Variants in CUX2 observed in about 807,000 individuals in gnomAD.
CUX2 encodes the protein homeobox protein cut-like 2.
Under a neutral mutation model 144.8 loss-of-function variants are expected in CUX2, and 40 were observed. The ratio of observed to expected loss-of-function variants is 0.28; its 90% CI spans 0.21 to 0.36. The LOEUF (loss-of-function observed/expected upper bound fraction) is 0.36. CUX2 is among the 10% of genes least tolerant of loss of function. The probability of loss-of-function intolerance (pLI) is 1.00; values close to 1 mark genes in which losing one functional copy is unlikely to be tolerated. For missense variants in CUX2, 1,615 were observed against 1,994.0 expected (o/e 0.81, Z 3.62); for synonymous variants, 827 against 875.6 (o/e 0.94, Z 0.98).
In CUX2 at chr12:111,287,030, AAGAC is replaced by A. The variant is rs2136323764; in HGVS notation, c.302-4384_302-4381del. The stretch of plus-strand genomic sequence containing the variant: ...CACTGTACCTGCAAAGGAAGGCAAA[AAGAC>A]AGAGCTTTGAAATCTATGGACCTGA... On this transcript the variant is annotated intron_variant, in intron 4 of 21. Coordinates refer to ENST00000261726, the MANE Select transcript of CUX2 (RefSeq NM_015267.4). This position sits in a 1 kb window ranked among gnomAD's most constrained non-coding sequence, Gnocchi z 4.2. Among the ~76,000 whole-genome samples, 1 of 152,308 alleles carries A rather than the reference AAGAC, an allele frequency of 6.6e-6. No homozygotes were observed. Among genetic ancestry groups the A allele is most frequent in the South Asian group, 2.1e-4 (1 of 4,818 alleles).
intron 1 of CUX2, among the ~76,000 whole-genome samples, chr12:111,193,906 A>C (rs1484739987): frequency 3.3e-5 from 5 of 151,902 alleles, no homozygotes; most frequent in African/African-American, 4.9e-5. Context: ...CTGTCCCAGG[A>C]TGGAGCAGAC....
Position 111,311,594 on chromosome 12 carries a change from A to T in CUX2, c.1901-506A>T, listed in dbSNP as rs1025834125. ...ATAAGCCACTGTACCCTATTTCTTT[A>T]TTATTATTATTTTTTTTTTTTTGAG... On this transcript the variant is annotated intron_variant, in intron 15 of 21. Coordinates refer to ENST00000261726, the MANE Select transcript of CUX2 (RefSeq NM_015267.4). 2.6e-3 allele frequency among the ~76,000 whole-genome samples: 342 copies of T among 133,680 alleles called. 16 individuals are homozygous for T. In the East Asian group the frequency reaches 0.056, roughly 22 times the overall value. 87.7% of individuals were successfully genotyped at this position (133,680 alleles called of 152,430 possible).
intron 1 of CUX2, among the ~76,000 whole-genome samples, chr12:111,182,473 G>A (rs577703624): frequency 6.6e-6 from 1 of 152,338 alleles, no homozygotes; most frequent in South Asian, 2.1e-4. Flanking sequence ...AGAGCCATTA[G>A]CCCCCACGTC....
rs2136188123 is a variant in CUX2 at position 111,186,265 on chromosome 12, A to G, written c.64-27935A>G. Among the ~76,000 whole-genome samples the G allele has an allele frequency of 2.6e-5, 4 of 152,098 alleles. No individual in the cohort carries two copies. The Middle Eastern group carries it at 0.01, about 388-fold the overall frequency. On this transcript the variant is annotated intron_variant, in intron 1 of 21. Transcript: ENST00000261726. The surrounding 1 kb of genome is among the most constrained non-coding windows in gnomAD (Gnocchi z 4.4). ...GTGGATGCTTAGTCAGGTGACACTTATGGGGACCAGCTGTGTACTGAGCCA... is the reference window on the plus strand; with the variant it reads ...GTGGATGCTTAGTCAGGTGACACTTGTGGGGACCAGCTGTGTACTGAGCCA...
chr12:111,297,565 G>C (rs979780985), intron 8 of CUX2, among the ~76,000 whole-genome samples: 1 of 152,166 alleles, frequency 6.6e-6, no homozygotes, highest in Non-Finnish European at 1.5e-5. Context: ...CCGCTCCCCA[G>C]CTCCACACTC....
chr12:111,091,053 G>A (rs978948768), intron 1 of CUX2, among the ~76,000 whole-genome samples: 3 of 152,138 alleles, frequency 2.0e-5, no homozygotes, highest in Non-Finnish European at 2.9e-5. Flanking sequence ...CGGCTGCGCC[G>A]TGTCCTCACT....
intron 1 of CUX2, among the ~76,000 whole-genome samples, chr12:111,207,302 GC>G (rs1231758571): frequency 2.0e-5 from 3 of 152,194 alleles, no homozygotes; most frequent in African/African-American, 7.2e-5. Context: ...CTGCATGATG[GC>G]CTTTGTCACC....
chr12:111,276,868 G>A (rs888808827), intron 4 of CUX2, among the ~76,000 whole-genome samples: 10 of 152,190 alleles, frequency 6.6e-5, no homozygotes, highest in South Asian at 2.1e-4. Flanking sequence ...GGCTAGTCTC[G>A]AACTCCTAGA....
At chr12:111,242,175 C>G (rs889097859) in intron 3 of CUX2, among the ~76,000 whole-genome samples, 1 of 152,230 alleles carries the variant, frequency 6.6e-6, no homozygotes, top group Non-Finnish European at 1.5e-5. Context: ...CTGGGCCAAG[C>G]CCAATTCATT....
chr12:111,059,840 C>T lies in CUX2; in HGVS notation c.63+25600C>T, dbSNP rs2136019381. Among the ~76,000 whole-genome samples, 1 of 152,136 alleles carries T rather than the reference C, an allele frequency of 6.6e-6. No individual in the cohort carries two copies. Among genetic ancestry groups the T allele is most frequent in the African/African-American group, 2.4e-5 (1 of 41,494 alleles). On this transcript the variant is annotated intron_variant, in intron 1 of 21. Coordinates refer to ENST00000261726, the MANE Select transcript of CUX2 (RefSeq NM_015267.4). The surrounding 1 kb of genome is among the most constrained non-coding windows in gnomAD (Gnocchi z 5.3). ...GGGGAGAGCATGGGCCCCTTTCTCC[C>T]CAGCTTACCCCTACCAGACTTAAGC... is the stretch of plus-strand genomic sequence containing the variant.
chr12:111,116,930 C>T lies in CUX2; in HGVS notation c.63+82690C>T, dbSNP rs549577341. Among the ~76,000 whole-genome samples, 381 of 152,298 alleles carry T rather than the reference C, an allele frequency of 2.5e-3. 2 individuals are homozygous for T. The highest frequency in any genetic ancestry group is 5.2e-3 in the Admixed American group (79 of 15,296). ...ATTCATCCTTATTATTTTCATACCA[C>T]GGACTGTGACTGGCCTGAGGTTGCA... is the stretch of plus-strand genomic sequence containing the variant. On this transcript the variant is annotated intron_variant, in intron 1 of 21. Transcript: ENST00000261726.
chr12:111,208,997 G>A (rs1326604571), intron 1 of CUX2, among the ~76,000 whole-genome samples: 1 of 152,192 alleles, frequency 6.6e-6, no homozygotes, highest in African/African-American at 2.4e-5. Flanking sequence ...GAGTCATTAG[G>A]TAAAAGTCAG....
At chr12:111,218,978 G>A in intron 3 of CUX2, among the ~76,000 whole-genome samples, 1 of 151,832 alleles carries the variant, frequency 6.6e-6, no homozygotes, top group East Asian at 1.9e-4. Context: ...TGTGGGTCCA[G>A]GGATTTCTAA....
At chr12:111,038,571 C>T (rs1474774311) in intron 1 of CUX2, among the ~76,000 whole-genome samples, 1 of 152,246 alleles carries the variant, frequency 6.6e-6, no homozygotes, top group African/African-American at 2.4e-5. Context: ...TCCGTAGAAC[C>T]CACACCCTGT....
intron 8 of CUX2, 124 bp downstream of exon 8, chr12:111,296,663 C>A (rs1375251276): frequency 3.9e-6 from 3 of 760,184 alleles, no homozygotes; most frequent in African/African-American, 1.7e-5. Context: ...CTCCCTCTGA[C>A]CCTCCAGTAC....
At chr12:111,212,222 A>G (rs1182116212) in intron 1 of CUX2, among the ~76,000 whole-genome samples, 2 of 152,180 alleles carry the variant, frequency 1.3e-5, no homozygotes, top group African/African-American at 4.8e-5. Context: ...GTTTTAAGTG[A>G]TGATGAACCA....
Position 111,316,843 on chromosome 12 carries a change from A to T in CUX2, c.2003-3169A>T, listed in dbSNP as rs557012875. Among the ~76,000 whole-genome samples, 4 of 151,998 alleles carry T rather than the reference A, an allele frequency of 2.6e-5. No individual in the cohort carries two copies. The East Asian group carries it at 7.7e-4, about 29-fold the overall frequency. On this transcript the variant is annotated intron_variant, in intron 16 of 21. Coordinates refer to ENST00000261726, the MANE Select transcript of CUX2 (RefSeq NM_015267.4). ...TCTCTCCAGTTCACACATGTTCATC[A>T]CCCCAGAAGGAAACCCTATACCCAT...
intron 3 of CUX2, among the ~76,000 whole-genome samples, chr12:111,219,341 T>A (rs865851773): frequency 2.6e-5 from 4 of 152,012 alleles, no homozygotes; most frequent in Admixed American, 6.6e-5. Context: ...ACCAATAATG[T>A]TAGGAACTTT....
At chr12:111,271,017 G>T (rs1295737249) in intron 4 of CUX2, among the ~76,000 whole-genome samples, 2 of 152,170 alleles carry the variant, frequency 1.3e-5, no homozygotes, top group Non-Finnish European at 2.9e-5. Context: ...GATTCGCTAC[G>T]CTGTACATGA....
Sources: allele counts gnomAD v4.1 joint callset (sites outside exome capture counted in the v4.1 genomes callset), GRCh38; gene constraint gnomAD v4.1.1; non-coding constraint Gnocchi (gnomAD v3.1); transcripts MANE v1.5; gene names NCBI Gene and HGNC (gene_info 2026-07-23, HGNC 2026-07-21).